Variants in TMEM131L observed in about 807,000 individuals in gnomAD.
The protein encoded by TMEM131L is transmembrane protein 131-like.
Under a neutral mutation model 192.2 loss-of-function variants are expected in TMEM131L, and 54 were observed. The ratio of observed to expected loss-of-function variants is 0.28; its 90% CI spans 0.23 to 0.35. TMEM131L has a LOEUF of 0.35. Among genes scored for constraint, TMEM131L ranks in the 10% least tolerant of loss-of-function variants. The pLI, the probability that TMEM131L is intolerant of heterozygous loss-of-function variation, is 1.00. For missense variants in TMEM131L, 1,888 were observed against 1,972.9 expected, an observed-to-expected ratio of 0.96 and a Z score of 0.82; for synonymous variants, 701 against 704.9, an observed-to-expected ratio of 0.99 and a Z score of 0.09.
intron 3 of TMEM131L, among the ~76,000 whole-genome samples, chr4:153,504,987 G>A (rs186022782): frequency 2.5e-4 from 38 of 152,306 alleles, no homozygotes; most frequent in Admixed American, 6.5e-4. Flanking sequence ...ACTGTGGGGT[G>A]CAGAGCAAAT....
intron 31 of TMEM131L, 64 bp from the exon 32 acceptor site, chr4:153,632,654 C>T (rs1734289779): frequency 1.1e-5 from 17 of 1,597,564 alleles, no homozygotes; most frequent in South Asian, 3.3e-5. Flanking sequence ...AGGGCAGGTG[C>T]AGGAAGGGTA....
At position 153,612,400 on chromosome 4, in the gene TMEM131L, G is replaced by C; in HGVS notation, c.3567G>C (p.Glu1189Asp). The C allele has an allele frequency of 6.3e-7, 1 of 1,578,782 alleles. No homozygotes were observed. Among genetic ancestry groups the C allele is most frequent in the Non-Finnish European group, 8.5e-7 (1 of 1,169,870 alleles). The change falls in exon 26 of 35, where the codon GAG becomes GAC. Residue 1189 changes from glutamate (E) to aspartate (D), a missense_variant and splice_region_variant. Transcript: ENST00000409959. ...AGAAACAGGACATACCTTTCGTAGA[G>C]GTCTGTATTTTTTTTCTTGCCTATT... ...FSEKQDIPFVEQEDPYRKKKL... is the reference protein window; with the variant it reads ...FSEKQDIPFVDQEDPYRKKKL...
chr4:153,610,212 A>G (rs947850351), intron 25 of TMEM131L, among the ~76,000 whole-genome samples: 6 of 152,202 alleles, frequency 3.9e-5, no homozygotes, highest in Non-Finnish European at 8.8e-5. Flanking sequence ...TGACTGTCCT[A>G]TAGAGACAGA....
chr4:153,472,126 G>A (rs904238407), intron 2 of TMEM131L, among the ~76,000 whole-genome samples: 2 of 152,072 alleles, frequency 1.3e-5, no homozygotes, highest in Non-Finnish European at 2.9e-5. Flanking sequence ...TCATTTAAAT[G>A]CTTTATGAGT....
chr4:153,488,148 G>A (rs549335840), intron 3 of TMEM131L, among the ~76,000 whole-genome samples: 1 of 150,614 alleles, frequency 6.6e-6, no homozygotes, highest in East Asian at 2.0e-4. Flanking sequence ...GTGGGTTTGT[G>A]GCTGAGTTTT....
intron 3 of TMEM131L, among the ~76,000 whole-genome samples, chr4:153,516,849 G>A (rs1038716906): frequency 6.6e-6 from 1 of 151,792 alleles, no homozygotes; most frequent in Non-Finnish European, 1.5e-5. Context: ...CTTTTGAGAC[G>A]GAGTCTTGCT....
chr4:153,468,026 G>T (rs1468330768), intron 2 of TMEM131L, among the ~76,000 whole-genome samples: 1 of 152,156 alleles, frequency 6.6e-6, no homozygotes, highest in African/African-American at 2.4e-5. Context: ...TTTTTTGGGT[G>T]GGAGTGGCTT....
At chr4:153,603,246 T>G in intron 23 of TMEM131L, 57 bp from the exon 24 acceptor site, 1 of 1,452,144 alleles carries the variant, frequency 6.9e-7, no homozygotes. Context: ...ATGAAACTAG[T>G]CTTTTGAATG....
At chr4:153,510,745 G>C (rs10021357) in intron 3 of TMEM131L, among the ~76,000 whole-genome samples, 5,075 of 152,114 alleles carry the variant, frequency 0.033, 113 homozygotes, top group South Asian at 0.066. Context: ...AGCTGGACGC[G>C]GTGGCACGTG....
At chr4:153,481,487 C>T (rs539678992) in intron 3 of TMEM131L, among the ~76,000 whole-genome samples, 1 of 152,292 alleles carries the variant, frequency 6.6e-6, no homozygotes, top group South Asian at 2.1e-4. Context: ...ACCATATTTG[C>T]CATTGAAATA....
chr4:153,542,447 A>G (rs1181719998), intron 3 of TMEM131L, among the ~76,000 whole-genome samples: 2 of 152,168 alleles, frequency 1.3e-5, no homozygotes, highest in African/African-American at 4.8e-5. Flanking sequence ...GAGGCAGTGT[A>G]GTGAAGGGGC....
At chr4:153,558,211 G>T (rs200989214) in intron 6 of TMEM131L, 47 bp from the exon 7 acceptor site, 25 of 1,052,292 alleles carry the variant, frequency 2.4e-5, no homozygotes, top group Non-Finnish European at 3.5e-5. Flanking sequence ...TGGCAAATGT[G>T]TTTTAAAACT....
At position 153,555,843 on chromosome 4, in the gene TMEM131L, G is replaced by T. The variant is rs1737942080; in HGVS notation, c.365G>T (p.Ser122Ile). 6.4e-7 allele frequency: 1 copy of T among 1,551,596 alleles called. No individual in the cohort carries two copies. The highest frequency in any genetic ancestry group is 1.2e-5 in the South Asian group (1 of 84,060). ...CATGCTTACAACCCTAGTAGGGACA[G>T]CGAGGTTGTGGTGAATTCAGTGTTT... Reference protein sequence around the residue: ...ILHAYNPSRDSEVVVNSVFAA... With the variant: ...ILHAYNPSRDIEVVVNSVFAA... The change falls in exon 5 of 35, where the codon AGC (serine) becomes ATC (isoleucine). Residue 122 changes from serine to isoleucine, a missense_variant. By Grantham distance (142) the Ser-to-Ile change is moderately radical. Transcript: ENST00000409959. The surrounding 1 kb of genome is among the most constrained non-coding windows in gnomAD (Gnocchi z 4.1).
chr4:153,636,253 C>CTTTTTTTTTTTTTTTTTTTT, intron 34 of TMEM131L, 48 bp from the exon 35 acceptor site: 1 of 1,489,674 alleles, frequency 6.7e-7, no homozygotes, highest in Admixed American at 2.0e-5. Flanking sequence ...CTTTCTAAGG[C>CTTTTTTTTTTTTTTTTTTTT]TTTTTTTTTT....
At chr4:153,622,632 A>G (rs1733514582) in intron 28 of TMEM131L, among the ~76,000 whole-genome samples, 1 of 152,198 alleles carries the variant, frequency 6.6e-6, no homozygotes. Flanking sequence ...TAATTCTAGA[A>G]TCATTATTAG....
Position 153,550,148 on chromosome 4 carries a change from A to G in TMEM131L, c.308+7A>G. 8.2e-7 allele frequency: 1 copy of G among 1,218,516 alleles called. No homozygotes were observed. Among genetic ancestry groups the G allele is most frequent in the African/African-American group, 1.5e-5 (1 of 64,668 alleles). 75.5% of individuals were successfully genotyped at this position (1,218,516 alleles called of 1,614,324 possible). A position where few individuals can be genotyped will look rare whatever the true frequency, so the allele number is the denominator to read the frequency against. On this transcript the variant is annotated splice_region_variant and intron_variant, in intron 4 of 34. Coordinates refer to ENST00000409959, the MANE Select transcript of TMEM131L (RefSeq NM_001131007.2). ...TTTTAGATTTTGGAATACAGTAAGT[A>G]TCTTTTCTTTATAATTAAAACTCAT...
Position 153,580,099 on chromosome 4 carries a change from A to G in TMEM131L, c.661-727A>G, listed in dbSNP as rs148095696. Reference sequence around the variant, plus strand: ...CATAGCCCATGTCTTTTAGATTCACATACTGCACTGAGTAACTTTTTGCTG... The same window carrying G: ...CATAGCCCATGTCTTTTAGATTCACGTACTGCACTGAGTAACTTTTTGCTG... On this transcript the variant is annotated intron_variant, in intron 7 of 34. Coordinates refer to ENST00000409959, the MANE Select transcript of TMEM131L (RefSeq NM_001131007.2). Among the ~76,000 whole-genome samples the G allele has an allele frequency of 7.2e-5, 11 of 152,110 alleles. No homozygotes were observed. The East Asian group carries it at 1.9e-3, about 27-fold the overall frequency.
At chr4:153,627,743 TTCCTGGCTG>T (rs1200160525) in intron 31 of TMEM131L, 56 bp downstream of exon 31, 1 of 1,434,958 alleles carries the variant, frequency 7.0e-7, no homozygotes, top group African/African-American at 1.4e-5. Context: ...GCTGTCTGTA[TTCCTGGCTG>T]ATGAGTTTGA....
Position 153,632,832 on chromosome 4 carries a change from A to G in TMEM131L, c.4322A>G (p.His1441Arg), listed in dbSNP as rs1409986689. 4.3e-6 allele frequency: 7 copies of G among 1,614,162 alleles called. No homozygotes were observed. The highest frequency in any genetic ancestry group is 2.2e-5 in the East Asian group (1 of 44,874). ...GTGATTCAGGAGTCGGCCCCGGTTC[A>G]TAATAGGTACAGCTTCACTTCTCTG... ...PCVIQESAPV[H>R]NSFIDWSATC... is the part of the protein sequence containing the mutation. Residue 1441 changes from histidine to arginine, a missense_variant, in exon 32 of 35, where the codon CAT becomes CGT. His to Arg is a conservative substitution (Grantham distance 29). Transcript: ENST00000409959.
Sources: gnomAD v4.1 joint callset for allele counts (sites outside exome capture counted in the v4.1 genomes callset) on GRCh38, gnomAD v4.1.1 for gene constraint, Gnocchi (gnomAD v3.1) non-coding constraint, MANE v1.5 for transcripts, NCBI Gene and HGNC (gene_info 2026-07-23, HGNC 2026-07-21) for gene names.